Variants in ZFAT observed in about 807,000 individuals in gnomAD.
ZFAT encodes the protein zinc finger and AT-hook domain containing, also known as zinc finger protein ZFAT.
A neutral mutation model predicts 117.7 loss-of-function variants in ZFAT; 64 were observed. The observed-to-expected ratio is 0.54, with a 90% confidence interval of 0.44 to 0.67. The LOEUF (loss-of-function observed/expected upper bound fraction) is 0.67. Ranked by LOEUF, ZFAT falls within the 30% of genes least tolerant of loss-of-function variation. The pLI is 0.00. For synonymous variants in ZFAT, 679 were observed against 615.0 expected (o/e 1.10, Z -1.54); for missense variants, 1,433 against 1,584.5 (o/e 0.90, Z 1.62).
At chr8:134,629,999 C>T (rs1323117483) in intron 3 of ZFAT, among the ~76,000 whole-genome samples, 1 of 152,184 alleles carries the variant, frequency 6.6e-6, no homozygotes, top group Non-Finnish European at 1.5e-5. Context: ...AGCAGAGTCC[C>T]TGAGGACCTG....
At chr8:134,789,727 A>G in the ZFAT span, among the ~76,000 whole-genome samples, 1 of 152,220 alleles carries the variant, frequency 6.6e-6, no homozygotes, top group East Asian at 1.9e-4. Context: ...CATCTGAAAG[A>G]AAAGCAAAAG....
At chr8:134,538,093 T>C (rs1821969768) in intron 11 of ZFAT, among the ~76,000 whole-genome samples, 1 of 152,100 alleles carries the variant, frequency 6.6e-6, no homozygotes, top group African/African-American at 2.4e-5. Flanking sequence ...TAAGACTGAA[T>C]GTGGCCATGG....
chr8:134,732,703 G>A, the ZFAT span, among the ~76,000 whole-genome samples: 2 of 152,182 alleles, frequency 1.3e-5, no homozygotes, highest in African/African-American at 4.8e-5. Context: ...AGTGAAAGAT[G>A]CCAGTCTGAA....
the ZFAT span, among the ~76,000 whole-genome samples, chr8:134,778,391 G>A: frequency 6.6e-6 from 1 of 152,268 alleles, no homozygotes; most frequent in Admixed American, 6.5e-5. Flanking sequence ...CAATCCAGCC[G>A]GCTATATGAA....
intron 1 of ZFAT, among the ~76,000 whole-genome samples, chr8:134,691,063 C>T (rs1833560100): frequency 6.6e-6 from 1 of 152,062 alleles, no homozygotes; most frequent in Non-Finnish European, 1.5e-5. Flanking sequence ...TCCAGCTTCC[C>T]AGCCTGTATC....
At chr8:134,484,039 T>C (rs1357820801) in intron 15 of ZFAT, among the ~76,000 whole-genome samples, 1 of 152,146 alleles carries the variant, frequency 6.6e-6, no homozygotes, top group African/African-American at 2.4e-5. Flanking sequence ...AACCCATTCC[T>C]CTCAGGTTAA....
chr8:134,690,344 A>G (rs1425409374), intron 1 of ZFAT, among the ~76,000 whole-genome samples: 1 of 152,232 alleles, frequency 6.6e-6, no homozygotes, highest in Admixed American at 6.5e-5. Context: ...GAGGCAGATG[A>G]CGGACGAATA....
chr8:134,630,618 A>G (rs748106284), intron 3 of ZFAT, among the ~76,000 whole-genome samples: 5 of 152,230 alleles, frequency 3.3e-5, no homozygotes. Flanking sequence ...ACAAGCTTAG[A>G]AAAGTTCAGA....
At chr8:134,721,385 G>A in the ZFAT span, among the ~76,000 whole-genome samples, 8 of 152,202 alleles carry the variant, frequency 5.3e-5, no homozygotes, top group Non-Finnish European at 1.0e-4. Flanking sequence ...TGCTGTAAGA[G>A]GAAGAAGATT....
At position 134,601,825 on chromosome 8, in the gene ZFAT, T is replaced by C. The variant is rs913581360; in HGVS notation, c.1894A>G (p.Thr632Ala). Residue 632 changes from threonine to alanine, a missense_variant, in exon 6 of 16, where the codon ACA (threonine) becomes GCA (alanine). Thr to Ala is a moderately conservative substitution (Grantham distance 58). Around this residue, in one of 5 missense-constraint regions of ZFAT, gnomAD observed 372 missense variants for 355.6 expected, o/e 1.05. Coordinates refer to ENST00000377838, the MANE Select transcript of ZFAT (RefSeq NM_020863.4). ...CTCTGGGCCTTGGACAGCAGTAGTG[T>C]GATCACTTCACCTTGCGTCTGGACT... Reference protein sequence around the residue: ...SSVQTQGEVITLLLSKAQSAG... With the variant: ...SSVQTQGEVIALLLSKAQSAG... 6.2e-7 allele frequency: 1 copy of C among 1,613,348 alleles called. No individual in the cohort carries two copies. The highest frequency in any genetic ancestry group is 1.3e-5 in the African/African-American group (1 of 74,950).
intron 1 of ZFAT, among the ~76,000 whole-genome samples, chr8:134,667,835 G>T (rs1832314688): frequency 6.6e-6 from 1 of 152,104 alleles, no homozygotes; most frequent in African/African-American, 2.4e-5. Context: ...GGAAGTAAGG[G>T]GTCAGGGAAT....
At chr8:134,578,503 G>T (rs1381067129) in intron 10 of ZFAT, among the ~76,000 whole-genome samples, 1 of 151,992 alleles carries the variant, frequency 6.6e-6, no homozygotes, top group African/African-American at 2.4e-5. Flanking sequence ...GAGATGGGGG[G>T]ATCAAGCAGG....
upstream of ZFAT, among the ~76,000 whole-genome samples, chr8:134,714,887 G>C (rs1160123488): frequency 6.6e-6 from 1 of 151,988 alleles, no homozygotes; most frequent in Non-Finnish European, 1.5e-5. Context: ...CCAGTTCCAA[G>C]ACAGCCACAG....
the ZFAT span, among the ~76,000 whole-genome samples, chr8:134,821,544 C>T: frequency 4.2e-5 from 6 of 143,490 alleles, no homozygotes; most frequent in Non-Finnish European, 9.2e-5. Context: ...CACATGCATG[C>T]GGTTTAAAAA....
intron 15 of ZFAT, among the ~76,000 whole-genome samples, chr8:134,488,268 T>C (rs1178741666): frequency 6.6e-6 from 1 of 152,170 alleles, no homozygotes; most frequent in Non-Finnish European, 1.5e-5. Flanking sequence ...TGGTGCAAGT[T>C]TGCTGGGGCT....
intron 10 of ZFAT, among the ~76,000 whole-genome samples, chr8:134,572,781 G>A (rs567258866): frequency 1.5e-4 from 23 of 150,214 alleles, no homozygotes; most frequent in African/African-American, 5.5e-4. Context: ...CAAGCTGACT[G>A]CAAGAATATT....
At chr8:134,593,243 A>T (rs1826662460) in intron 7 of ZFAT, among the ~76,000 whole-genome samples, 1 of 151,650 alleles carries the variant, frequency 6.6e-6, no homozygotes, top group Admixed American at 6.6e-5. Context: ...TTTTTCTTTT[A>T]ATCTCTGATA....
intron 2 of ZFAT, among the ~76,000 whole-genome samples, chr8:134,641,509 C>T (rs968384476): frequency 6.6e-6 from 1 of 152,132 alleles, no homozygotes; most frequent in Admixed American, 6.6e-5. Context: ...GATGACTACC[C>T]CCACAGCTTG....
intron 1 of ZFAT, among the ~76,000 whole-genome samples, chr8:134,668,287 T>C (rs976494308): frequency 6.6e-6 from 1 of 152,162 alleles, no homozygotes; most frequent in Non-Finnish European, 1.5e-5. Flanking sequence ...GAGTTTGAGA[T>C]CTGAGAACGG....
Sources: allele counts gnomAD v4.1 joint callset (sites outside exome capture counted in the v4.1 genomes callset), GRCh38; gene constraint gnomAD v4.1.1; regional missense constraint gnomAD v4.1.1; transcripts MANE v1.5; gene names NCBI Gene and HGNC (gene_info 2026-07-23, HGNC 2026-07-21).